Variants in CNTN5 observed in about 807,000 individuals in gnomAD.
CNTN5 encodes the protein contactin 5.
A neutral mutation model predicts 129.1 loss-of-function variants in CNTN5; 77 were observed. The observed-to-expected ratio is 0.60, with a 90% CI of 0.50 to 0.72. The LOEUF (loss-of-function observed/expected upper bound fraction) is 0.72. Among genes scored for constraint, CNTN5 ranks in the 30% least tolerant of loss-of-function variants. The probability of loss-of-function intolerance (pLI) is 0.00; values close to 1 mark genes in which losing one functional copy is unlikely to be tolerated. For synonymous variants in CNTN5, 509 were observed against 465.6 expected (o/e 1.09, Z -1.20); for missense variants, 1,478 against 1,328.8 (o/e 1.11, Z -1.75).
intron 18 of CNTN5, among the ~76,000 whole-genome samples, chr11:100,284,960 A>G (rs1950737130): frequency 6.6e-6 from 1 of 152,218 alleles, no homozygotes; most frequent in Non-Finnish European, 1.5e-5. Flanking sequence ...CAGGGTGGAC[A>G]TAGGCAGGAA....
intron 2 of CNTN5, among the ~76,000 whole-genome samples, chr11:99,325,900 C>T (rs1865769221): frequency 6.6e-6 from 1 of 152,080 alleles, no homozygotes; most frequent in African/African-American, 2.4e-5. Flanking sequence ...TTTGTATGTG[C>T]TCGAATTTTA....
At chr11:99,264,588 T>C (rs1256840712) in intron 1 of CNTN5, among the ~76,000 whole-genome samples, 1 of 152,056 alleles carries the variant, frequency 6.6e-6, no homozygotes, top group East Asian at 1.9e-4. Flanking sequence ...ATGAAGATGA[T>C]AGATTTTATT....
intron 4 of CNTN5, among the ~76,000 whole-genome samples, chr11:99,830,919 G>A (rs1947119416): frequency 6.6e-6 from 1 of 152,062 alleles, no homozygotes; most frequent in African/African-American, 2.4e-5. Flanking sequence ...CCTATTTGAG[G>A]ACTGCTTCAT....
chr11:99,159,148 T>G (rs907392844), intron 1 of CNTN5, among the ~76,000 whole-genome samples: 1 of 152,170 alleles, frequency 6.6e-6, no homozygotes, highest in Non-Finnish European at 1.5e-5. Flanking sequence ...GCTTGTAAGA[T>G]TCTCTGTTTC....
intron 1 of CNTN5, among the ~76,000 whole-genome samples, chr11:99,067,303 C>T (rs1865139856): frequency 6.6e-6 from 1 of 152,052 alleles, no homozygotes; most frequent in Non-Finnish European, 1.5e-5. Context: ...CCTAATGCAG[C>T]TCAAAGCAGC....
intron 18 of CNTN5, among the ~76,000 whole-genome samples, chr11:100,294,776 G>T (rs112793974): frequency 2.0e-4 from 30 of 151,534 alleles, no homozygotes; most frequent in Non-Finnish European, 4.1e-4. Context: ...TAAGCGCTCC[G>T]AAAGATTAAG....
At chr11:99,946,523 G>A (rs1424769335) in intron 7 of CNTN5, among the ~76,000 whole-genome samples, 2 of 152,056 alleles carry the variant, frequency 1.3e-5, no homozygotes, top group Non-Finnish European at 2.9e-5. Context: ...AAGACTGACA[G>A]TATGGGAACT....
rs192629607 is a variant in CNTN5 at position 99,751,213 on chromosome 11, T to G, written c.56-68331T>G. The stretch of plus-strand genomic sequence containing the variant: ...CTTCCTGGGTGTGGCGGTGGGTGCC[T>G]GCAATCCTAGCTACTCAGGAGGCTA... On this transcript the variant is annotated intron_variant, in intron 3 of 24. Transcript: ENST00000524871. Among the ~76,000 whole-genome samples, 326 of 152,248 alleles carry G rather than the reference T, an allele frequency of 2.1e-3. 3 individuals are homozygous for G. The highest frequency in any genetic ancestry group is 7.2e-3 in the African/African-American group (301 of 41,542).
intron 3 of CNTN5, among the ~76,000 whole-genome samples, chr11:99,574,935 T>G (rs1186697768): frequency 1.3e-5 from 2 of 152,132 alleles, no homozygotes; most frequent in Admixed American, 1.3e-4. Context: ...TCTTTTAAAA[T>G]GAAAAATGGT....
At chr11:99,998,783 G>C (rs1939636928) in intron 8 of CNTN5, among the ~76,000 whole-genome samples, 2 of 150,646 alleles carry the variant, frequency 1.3e-5, no homozygotes, top group African/African-American at 2.4e-5. Context: ...AACCAAAATA[G>C]CCTGGTACTG....
intron 2 of CNTN5, among the ~76,000 whole-genome samples, chr11:99,380,237 T>G (rs908574722): frequency 1.3e-5 from 2 of 152,118 alleles, no homozygotes; most frequent in East Asian, 1.9e-4. Context: ...TGTTTATACT[T>G]TTTTTCAGAG....
At chr11:99,939,319 T>A (rs1950382784) in intron 7 of CNTN5, among the ~76,000 whole-genome samples, 1 of 152,080 alleles carries the variant, frequency 6.6e-6, no homozygotes. Context: ...ATTAGCTTCA[T>A]TTTTTAGCGC....
intron 4 of CNTN5, among the ~76,000 whole-genome samples, chr11:99,840,104 A>G (rs1301531480): frequency 1.3e-5 from 2 of 152,150 alleles, no homozygotes; most frequent in African/African-American, 4.8e-5. Flanking sequence ...CTGGTCACTT[A>G]AAAATGATGA....
rs181556743 is a variant in CNTN5, at chr11:99,194,583, A to T, written c.-209-130763A>T. Reference sequence around the variant, plus strand: ...AAAGATTACTTAGAAGTCTTCAACAATTTTTCATCAAGTCCTATTGAATTA... The same window carrying T: ...AAAGATTACTTAGAAGTCTTCAACATTTTTTCATCAAGTCCTATTGAATTA... On this transcript the variant is annotated intron_variant, in intron 1 of 24. Transcript: ENST00000524871. Among the ~76,000 whole-genome samples, 47 of 152,168 alleles carry T rather than the reference A, an allele frequency of 3.1e-4. 2 individuals carry two copies. Among genetic ancestry groups the T allele is most frequent in the Admixed American group, 1.5e-3 (23 of 15,282 alleles).
intron 2 of CNTN5, among the ~76,000 whole-genome samples, chr11:99,326,721 AAGC>A (rs1418772204): frequency 5.9e-5 from 9 of 152,300 alleles, no homozygotes; most frequent in African/African-American, 2.2e-4. Flanking sequence ...TTGTGAAGAA[AAGC>A]AACCACATAA....
intron 2 of CNTN5, among the ~76,000 whole-genome samples, chr11:99,550,030 G>A (rs930695387): frequency 6.6e-6 from 1 of 151,940 alleles, no homozygotes; most frequent in African/African-American, 2.4e-5. Context: ...TTTTGTTGAG[G>A]CTTAAAAAAT....
chr11:99,195,297 TAAAC>T (rs988621208), intron 1 of CNTN5, among the ~76,000 whole-genome samples: 8 of 152,176 alleles, frequency 5.3e-5, no homozygotes, highest in Admixed American at 2.0e-4. Flanking sequence ...TTGGAGTAAC[TAAAC>T]AAACAACTAA....
chr11:99,946,936 ACAT>A (rs1950565181), intron 7 of CNTN5, among the ~76,000 whole-genome samples: 1 of 151,924 alleles, frequency 6.6e-6, no homozygotes, highest in South Asian at 2.1e-4. Context: ...GAAATTAACT[ACAT>A]CAATTTCAAG....
chr11:99,883,373 C>A (rs1277138639), intron 6 of CNTN5, among the ~76,000 whole-genome samples: 1 of 152,164 alleles, frequency 6.6e-6, no homozygotes, highest in Admixed American at 6.5e-5. Flanking sequence ...TCCTTGCCGG[C>A]ATTCGTTATC....
Sources: gnomAD v4.1 joint callset for allele counts (sites outside exome capture counted in the v4.1 genomes callset) on GRCh38, gnomAD v4.1.1 for gene constraint, MANE v1.5 for transcripts, NCBI Gene and HGNC (gene_info 2026-07-23, HGNC 2026-07-21) for gene names.